The following PHACTR2 variants were observed in gnomAD, a reference collection of about 807,000 sequenced individuals.
PHACTR2 encodes the protein phosphatase and actin regulator 2.
Under a neutral mutation model 76.0 loss-of-function variants are expected in PHACTR2, and 30 were observed. That is an observed-to-expected ratio of 0.39 (90% CI 0.30 to 0.54). PHACTR2 has a LOEUF of 0.54. Ranked by LOEUF, PHACTR2 falls within the 20% of genes least tolerant of loss-of-function variation. PHACTR2 has a pLI of 0.61. For synonymous variants in PHACTR2, 292 were observed against 292.5 expected (o/e 1.00, Z 0.02); for missense variants, 696 against 781.1 (o/e 0.89, Z 1.30).
At position 143,619,799 on chromosome 6, in the gene PHACTR2, A is replaced by C. The variant is rs1016034293; in HGVS notation, c.13+11477A>C. Among the ~76,000 whole-genome samples, 1 of 152,188 alleles carries C rather than the reference A, an allele frequency of 6.6e-6. No homozygotes were observed. On this transcript the variant is annotated intron_variant, in intron 1 of 11. Coordinates refer to the PHACTR2 transcript ENST00000305766. This position sits in a 1 kb window ranked among gnomAD's most constrained non-coding sequence, Gnocchi z 4.5. The stretch of plus-strand genomic sequence containing the variant: ...AGCTTGACTTGGGGCATTTTTAATA[A>C]GGGGATAAAAGGAAATATAGCCAGT...
intron 1 of PHACTR2, among the ~76,000 whole-genome samples, chr6:143,657,258 G>A (rs941834342): frequency 6.6e-6 from 1 of 150,946 alleles, no homozygotes; most frequent in African/African-American, 2.4e-5. Context: ...AAAAAAAATT[G>A]TGGTACAATG....
At chr6:143,756,548 A>G (rs1390334575) in intron 4 of PHACTR2, among the ~76,000 whole-genome samples, 3 of 151,794 alleles carry the variant, frequency 2.0e-5, no homozygotes, top group African/African-American at 7.3e-5. Flanking sequence ...ACAAAAAAAA[A>G]ATTAGCCGGG....
In PHACTR2 at chr6:143,777,195, CT is replaced by C; in HGVS notation, c.1590-129del. 1 of 555,566 alleles carries C rather than the reference CT, an allele frequency of 1.8e-6. No homozygotes were observed. The allele number at this position is 555,566 out of a possible 1,614,324, so 34.4% of individuals were successfully genotyped here. On this transcript the variant is annotated intron_variant, in intron 8 of 12. Transcript: ENST00000440869. This position sits in a 1 kb window ranked among gnomAD's most constrained non-coding sequence, Gnocchi z 4.6. ...AGTCTCCAAACTAATGGGAAGGAGACTTTTATTTTGCAGCTTTAAAAATGGA... is the reference window on the plus strand; with the variant it reads ...AGTCTCCAAACTAATGGGAAGGAGACTTTATTTTGCAGCTTTAAAAATGGA...
chr6:143,685,551 G>GTAAC (rs1261524604), intron 1 of PHACTR2, among the ~76,000 whole-genome samples: 1 of 151,986 alleles, frequency 6.6e-6, no homozygotes, highest in Non-Finnish European at 1.5e-5. Flanking sequence ...TTCATCCGGG[G>GTAAC]TAACTAATAT....
Position 143,597,198 on chromosome 6 carries a change from T to C in PHACTR2, c.217+59991T>C, listed in dbSNP as rs138724825. Among the ~76,000 whole-genome samples the C allele has an allele frequency of 5.6e-3, 858 of 152,320 alleles. 6 individuals are homozygous for C. The highest frequency in any genetic ancestry group is 0.019 in the African/African-American group (799 of 41,586). ...GGGACAGGAATGACTTCCAGGAAGATAGTTGCTCAACCTAGCCTCCAAGAA... is the reference window on the plus strand; with the variant it reads ...GGGACAGGAATGACTTCCAGGAAGACAGTTGCTCAACCTAGCCTCCAAGAA... On this transcript the variant is annotated intron_variant, in intron 1 of 11. Transcript: ENST00000367584. The surrounding 1 kb of genome is among the most constrained non-coding windows in gnomAD (Gnocchi z 5.7).
At chr6:143,815,931 A>C (rs1166400408) in intron 12 of PHACTR2, among the ~76,000 whole-genome samples, 1 of 152,018 alleles carries the variant, frequency 6.6e-6, no homozygotes, top group African/African-American at 2.4e-5. Context: ...GAAGATGAAT[A>C]ATTTTTTAAA....
Position 143,827,155 on chromosome 6 carries a change from AATATATATATATATATATATAT to A in PHACTR2, c.*3489_*3510del, listed in dbSNP as rs67124785. 242 of 77,250 alleles carry A rather than the reference AATATATATATATATATATATAT, an allele frequency of 3.1e-3. 5 individuals carry two copies. Among genetic ancestry groups the A allele is most frequent in the East Asian group, 0.025 (44 of 1,792 alleles). The allele number at this position is 77,250 out of a possible 1,614,324, so 4.8% of individuals were successfully genotyped here. A position where few individuals can be genotyped will look rare whatever the true frequency, so the allele number is the denominator to read the frequency against. On this transcript the variant is annotated 3_prime_UTR_variant, in exon 13 of 13. Coordinates refer to ENST00000440869, the MANE Select transcript of PHACTR2 (RefSeq NM_001100164.2). ...GGGCTGCGTTGGCATTAAAAAAGAA[AATATATATATATATATATATAT>A]ATATATATATATATATATATATGTA...
rs1779413404 is a variant in PHACTR2, at chr6:143,760,523, G to A, written c.577G>A (p.Gly193Arg). ...TGTGCCTCCGAAAGGGGCCACTGCT[G>A]GGGCCAGCCACAAAGGTGATGAAGT... is the stretch of plus-strand genomic sequence containing the variant. ...SPVPPKGATA[G>R]ASHKGDEVPP... The change falls in exon 5 of 13, where the codon GGG (glycine) becomes AGG (arginine). Residue 193 changes from glycine (G) to arginine (R), a missense_variant. Coordinates refer to ENST00000440869, the MANE Select transcript of PHACTR2 (RefSeq NM_001100164.2). This position sits in a 1 kb window ranked among gnomAD's most constrained non-coding sequence, Gnocchi z 6.4. 1 of 1,613,904 alleles carries A rather than the reference G, an allele frequency of 6.2e-7. No individual in the cohort carries two copies. Among genetic ancestry groups the A allele is most frequent in the South Asian group, 1.1e-5 (1 of 91,068 alleles).
At chr6:143,788,090 G>A (rs1775594469) in intron 10 of PHACTR2, among the ~76,000 whole-genome samples, 1 of 152,210 alleles carries the variant, frequency 6.6e-6, no homozygotes, top group East Asian at 1.9e-4. Context: ...AAGACCACAA[G>A]GAGGAACCGA....
intron 9 of PHACTR2, among the ~76,000 whole-genome samples, chr6:143,779,630 A>C (rs1422364044): frequency 6.6e-6 from 1 of 152,072 alleles, no homozygotes; most frequent in Non-Finnish European, 1.5e-5. Context: ...TTACGGGTGT[A>C]AGCCACCGTG....
intron 1 of PHACTR2, among the ~76,000 whole-genome samples, chr6:143,626,464 A>G (rs907526591): frequency 1.4e-4 from 21 of 150,840 alleles, no homozygotes; most frequent in Admixed American, 4.6e-4. Flanking sequence ...GTGAACCCGG[A>G]AGGCGGAGCT....
Position 143,818,796 on chromosome 6 carries a change from C to T in PHACTR2, c.1923-4878C>T, listed in dbSNP as rs1776356068. Among the ~76,000 whole-genome samples the T allele has an allele frequency of 6.6e-6, 1 of 152,170 alleles. No homozygotes were observed. Among genetic ancestry groups the T allele is most frequent in the Admixed American group, 6.5e-5 (1 of 15,284 alleles). On this transcript the variant is annotated intron_variant, in intron 12 of 12. Transcript: ENST00000440869. This position sits in a 1 kb window ranked among gnomAD's most constrained non-coding sequence, Gnocchi z 4.9. The stretch of plus-strand genomic sequence containing the variant: ...GATTCAATTACCTCCCACCAGGTCC[C>T]TCCCACAACATGTGGGGATTATGAG...
intron 1 of PHACTR2, among the ~76,000 whole-genome samples, chr6:143,563,657 T>C (rs2128430117): frequency 6.6e-6 from 1 of 152,214 alleles, no homozygotes; most frequent in African/African-American, 2.4e-5. Context: ...TCTCTTATTT[T>C]TCTGCAAAAT....
Position 143,591,676 on chromosome 6 carries a change from GTGGCGATAGATGACGATCCCAA to G in PHACTR2, c.217+54472_217+54493del, listed in dbSNP as rs1488307277. 2.6e-5 allele frequency among the ~76,000 whole-genome samples: 4 copies of G among 152,242 alleles called. No homozygotes were observed. Among genetic ancestry groups the G allele is most frequent in the Admixed American group, 1.3e-4 (2 of 15,286 alleles). On this transcript the variant is annotated intron_variant, in intron 1 of 11. Coordinates refer to the PHACTR2 transcript ENST00000367584. This position sits in a 1 kb window ranked among gnomAD's most constrained non-coding sequence, Gnocchi z 6.4. ...ATTGAGGACATCTCAGAGAATTCCA[GTGGCGATAGATGACGATCCCAA>G]TGCTGCACTGACATGTGGGCATAAG...
Position 143,774,705 on chromosome 6 carries a change from G to A in PHACTR2, c.1589+490G>A, listed in dbSNP as rs565519858. On this transcript the variant is annotated intron_variant, in intron 8 of 12. Coordinates refer to ENST00000440869, the MANE Select transcript of PHACTR2 (RefSeq NM_001100164.2). This position sits in a 1 kb window ranked among gnomAD's most constrained non-coding sequence, Gnocchi z 5.4. ...CATGAGGTTCTGCCCTGTGGACTGT[G>A]AGACTGCAGAAATATTATTTGCCTT... Among the ~76,000 whole-genome samples the A allele has an allele frequency of 6.6e-6, 1 of 152,318 alleles. No individual in the cohort carries two copies. Among genetic ancestry groups the A allele is most frequent in the African/African-American group, 2.4e-5 (1 of 41,578 alleles).
chr6:143,544,230 A>G (rs1271299116), intron 1 of PHACTR2, among the ~76,000 whole-genome samples: 1 of 132,516 alleles, frequency 7.5e-6, no homozygotes, highest in African/African-American at 3.2e-5. Context: ...CCTTCATTCC[A>G]GGAGGGAGGG....
intron 2 of PHACTR2, among the ~76,000 whole-genome samples, chr6:143,724,998 C>T (rs927168670): frequency 3.9e-5 from 6 of 152,088 alleles, no homozygotes; most frequent in East Asian, 1.9e-4. Flanking sequence ...CTTTCTATGG[C>T]GAATATGTGA....
rs901001304 is a variant in PHACTR2 at position 143,775,231 on chromosome 6, A to G, written c.1589+1016A>G. 1.6e-4 allele frequency among the ~76,000 whole-genome samples: 25 copies of G among 152,266 alleles called. No homozygotes were observed. The highest frequency in any genetic ancestry group is 6.0e-4 in the African/African-American group (25 of 41,554). ...CAGCTGTGGCATCTATCTGAAGGAA[A>G]AGCACAGCCTACCAGGGAACCTCGG... On this transcript the variant is annotated intron_variant, in intron 8 of 12. Coordinates refer to ENST00000440869, the MANE Select transcript of PHACTR2 (RefSeq NM_001100164.2). This position sits in a 1 kb window ranked among gnomAD's most constrained non-coding sequence, Gnocchi z 4.4.
At position 143,700,826 on chromosome 6, in the gene PHACTR2, G is replaced by A. The variant is rs916068230; in HGVS notation, c.47-11190G>A. On this transcript the variant is annotated intron_variant, in intron 1 of 12. Transcript: ENST00000440869. The surrounding 1 kb of genome is among the most constrained non-coding windows in gnomAD (Gnocchi z 4.1). ...CATGACCTGCTCCACTTCAGACTCC[G>A]GGAGTTGTTGTATATGACTAACATC... Among the ~76,000 whole-genome samples, 4 of 152,110 alleles carry A rather than the reference G, an allele frequency of 2.6e-5. No homozygotes were observed. Among genetic ancestry groups the A allele is most frequent in the Non-Finnish European group, 2.9e-5 (2 of 68,040 alleles).
Sources: gnomAD v4.1 joint callset for allele counts (sites outside exome capture counted in the v4.1 genomes callset) on GRCh38, gnomAD v4.1.1 for gene constraint, Gnocchi (gnomAD v3.1) non-coding constraint, MANE v1.5 for transcripts, NCBI Gene and HGNC (gene_info 2026-07-23, HGNC 2026-07-21) for gene names.